Variants in NAV2 observed in about 807,000 individuals in gnomAD.
The protein encoded by NAV2 is neuron navigator 2.
NAV2 carries 54 observed loss-of-function variants against 223.2 expected under a neutral mutation model. The ratio of observed to expected loss-of-function variants is 0.24; its 90% CI spans 0.19 to 0.30. NAV2 has a LOEUF of 0.30. Ranked by LOEUF, NAV2 falls within the 10% of genes least tolerant of loss-of-function variation. The probability of loss-of-function intolerance (pLI) is 1.00; values close to 1 mark genes in which losing one functional copy is unlikely to be tolerated. For synonymous variants in NAV2, 1,279 were observed against 1,239.3 expected, an observed-to-expected ratio of 1.03 and a Z score of -0.67; for missense variants, 2,806 against 3,147.5, an observed-to-expected ratio of 0.89 and a Z score of 2.60.
chr11:19,514,189 C>A (rs974333744), intron 1 of NAV2, among the ~76,000 whole-genome samples: 1 of 152,130 alleles, frequency 6.6e-6, no homozygotes, highest in Admixed American at 6.5e-5. Context: ...CATCATGATG[C>A]TTTTGTGCAG....
At chr11:19,769,466 A>G (rs1466208489) in intron 1 of NAV2, among the ~76,000 whole-genome samples, 1 of 152,216 alleles carries the variant, frequency 6.6e-6, no homozygotes, top group Non-Finnish European at 1.5e-5. Context: ...GGGTGATTGC[A>G]GATACACTCT....
intron 1 of NAV2, among the ~76,000 whole-genome samples, chr11:19,514,672 G>A (rs1565003986): frequency 6.6e-6 from 1 of 152,204 alleles, no homozygotes; most frequent in Non-Finnish European, 1.5e-5. Flanking sequence ...AGAATTCTGG[G>A]TGGAAGGCCA....
At chr11:19,353,980 T>A (rs994444770) in intron 1 of NAV2, among the ~76,000 whole-genome samples, 1 of 152,224 alleles carries the variant, frequency 6.6e-6, no homozygotes, top group South Asian at 2.1e-4. Flanking sequence ...AGTCCTTACA[T>A]ACACACCCAA....
chr11:20,114,887 C>G, intron 37 of NAV2, 92 bp downstream of exon 37: 1 of 1,259,432 alleles, frequency 7.9e-7, no homozygotes, highest in Non-Finnish European at 1.1e-6. Flanking sequence ...ACAAAGGTGA[C>G]TAAATCCAGC....
intron 36 of NAV2, among the ~76,000 whole-genome samples, chr11:20,110,456 T>A (rs1017518724): frequency 6.6e-6 from 1 of 152,196 alleles, no homozygotes; most frequent in Non-Finnish European, 1.5e-5. Context: ...GTGCATGATC[T>A]CATTTAGTTC....
chr11:19,547,681 C>T (rs953964993), intron 1 of NAV2, among the ~76,000 whole-genome samples: 9 of 152,038 alleles, frequency 5.9e-5, no homozygotes, highest in Admixed American at 4.6e-4. Flanking sequence ...GCTGAGAGCC[C>T]GGGGGACAAG....
rs1340613597 is a variant in NAV2, at chr11:19,875,240, A to T, written c.512-4629A>T. Among the ~76,000 whole-genome samples the T allele has an allele frequency of 4.6e-5, 7 of 152,296 alleles. No homozygotes were observed. In the South Asian group the frequency reaches 1.2e-3, roughly 27 times the overall value. ...GGTTATGTCCTGATAAACCCACCAT[A>T]AGTTGAAAATAAATGCATTTAATAC... On this transcript the variant is annotated intron_variant, in intron 4 of 37. Transcript: ENST00000349880.
chr11:19,968,635 TTA>T (rs2048970254), intron 10 of NAV2, among the ~76,000 whole-genome samples: 1 of 152,228 alleles, frequency 6.6e-6, no homozygotes, highest in Admixed American at 6.5e-5. Context: ...TGATTTTAGC[TTA>T]TCTGTCTACC....
intron 1 of NAV2, among the ~76,000 whole-genome samples, chr11:19,788,152 G>A (rs1439100539): frequency 1.3e-5 from 2 of 152,148 alleles, no homozygotes; most frequent in East Asian, 3.9e-4. Context: ...TTTGACAGTT[G>A]GGGCCAGATG....
chr11:19,713,427 G>C lies in NAV2; in HGVS notation c.-269G>C, dbSNP rs2050005270. The stretch of plus-strand genomic sequence containing the variant: ...CCCAGAGCTCTTGAAAGGCCACCCA[G>C]GAGAGGTGTGAGACCCGGCGGCAGC... On this transcript the variant is annotated 5_prime_UTR_variant, in exon 1 of 38. Coordinates refer to ENST00000349880, the MANE Select transcript of NAV2 (RefSeq NM_145117.5). The surrounding 1 kb of genome is among the most constrained non-coding windows in gnomAD (Gnocchi z 7.2). 7.9e-7 allele frequency: 1 copy of C among 1,260,364 alleles called. No homozygotes were observed. 78.1% of individuals were successfully genotyped at this position (1,260,364 alleles called of 1,614,324 possible). A position where few individuals can be genotyped will look rare whatever the true frequency, so the allele number is the denominator to read the frequency against.
intron 1 of NAV2, among the ~76,000 whole-genome samples, chr11:19,622,919 T>C (rs1234502539): frequency 6.6e-6 from 1 of 152,194 alleles, no homozygotes; most frequent in Non-Finnish European, 1.5e-5. Flanking sequence ...TTCCTTTCCA[T>C]GTTTAGTGCT....
At chr11:19,549,932 C>A (rs1013740172) in intron 1 of NAV2, among the ~76,000 whole-genome samples, 3 of 152,186 alleles carry the variant, frequency 2.0e-5, no homozygotes, top group Admixed American at 2.0e-4. Flanking sequence ...AACAGGAGAG[C>A]AAAAGAAGGG....
chr11:20,105,750 G>C (rs1397551240), intron 35 of NAV2, 23 bp downstream of exon 35: 2 of 1,599,592 alleles, frequency 1.3e-6, no homozygotes, highest in Non-Finnish European at 1.7e-6. Context: ...CTGGGGTCAG[G>C]GGGGCGGGCT....
At chr11:20,064,044 T>A (rs1282630598) in intron 20 of NAV2, among the ~76,000 whole-genome samples, 2 of 152,216 alleles carry the variant, frequency 1.3e-5, no homozygotes, top group Non-Finnish European at 2.9e-5. Context: ...GTCATCTTGT[T>A]TGAAATTTCA....
At chr11:20,051,375 C>T (rs755192230) in intron 17 of NAV2, 42 bp downstream of exon 17, 1 of 1,596,026 alleles carries the variant, frequency 6.3e-7, no homozygotes, top group Non-Finnish European at 8.6e-7. Flanking sequence ...TCTGTTGTGG[C>T]TTTGGAGCTT....
At chr11:19,536,468 A>G (rs977913915) in intron 1 of NAV2, among the ~76,000 whole-genome samples, 1 of 152,194 alleles carries the variant, frequency 6.6e-6, no homozygotes, top group Non-Finnish European at 1.5e-5. Context: ...ACATGTTAAA[A>G]ATGCAGAATC....
At chr11:19,551,013 C>A (rs1305137119) in intron 1 of NAV2, among the ~76,000 whole-genome samples, 1 of 152,268 alleles carries the variant, frequency 6.6e-6, no homozygotes, top group African/African-American at 2.4e-5. Flanking sequence ...CTACTCTCAG[C>A]ACACTGCCTA....
At chr11:19,825,291 CAAAAAAAAAAAAAAA>C (rs58499844) in intron 1 of NAV2, among the ~76,000 whole-genome samples, 4 of 48,206 alleles carry the variant, frequency 8.3e-5, no homozygotes, top group South Asian at 1.7e-3. Context: ...GACTCTGTCT[CAAAAAAAAAAAAAAA>C]AAAAAAAAAA....
chr11:19,487,584 G>A (rs2042485591), intron 1 of NAV2, among the ~76,000 whole-genome samples: 2 of 152,298 alleles, frequency 1.3e-5, no homozygotes, highest in Non-Finnish European at 1.5e-5. Flanking sequence ...TTGCTTTGGT[G>A]AAGTCAGAAG....
Sources: allele counts gnomAD v4.1 joint callset (sites outside exome capture counted in the v4.1 genomes callset), GRCh38; gene constraint gnomAD v4.1.1; non-coding constraint Gnocchi (gnomAD v3.1); transcripts MANE v1.5; gene names NCBI Gene and HGNC (gene_info 2026-07-23, HGNC 2026-07-21).